The following ABHD5 variants were observed in gnomAD, a reference collection of about 807,000 sequenced individuals.
The protein encoded by ABHD5 is 1-acylglycerol-3-phosphate O-acyltransferase ABHD5.
A neutral mutation model predicts 44.9 loss-of-function variants in ABHD5; 30 were observed. That is an observed-to-expected ratio of 0.67 (90% CI 0.50 to 0.91). The LOEUF (loss-of-function observed/expected upper bound fraction) is 0.91, where lower values mean the gene tolerates loss of function less well. Ranked by LOEUF, ABHD5 falls within the 40% of genes least tolerant of loss-of-function variation. The probability of loss-of-function intolerance (pLI) is 0.00; values close to 1 mark genes in which losing one functional copy is unlikely to be tolerated. For missense variants in ABHD5, 399 were observed against 423.4 expected (o/e 0.94, Z 0.50); for synonymous variants, 167 against 147.0 (o/e 1.14, Z -0.99).
downstream of ABHD5, among the ~76,000 whole-genome samples, chr3:43,724,221 G>A (rs1282285941): frequency 6.6e-6 from 1 of 152,134 alleles, no homozygotes; most frequent in Non-Finnish European, 1.5e-5. Flanking sequence ...TAGGCATAAA[G>A]AAAGCAGAAA....
At chr3:43,699,159 C>T (rs1384095468) in intron 1 of ABHD5, 117 bp from the exon 2 acceptor site, 4 of 874,180 alleles carry the variant, frequency 4.6e-6, no homozygotes, top group Non-Finnish European at 7.6e-6. Flanking sequence ...TCACACATAG[C>T]TTTACCATCA....
At chr3:43,723,708 A>G (rs1383673772), downstream of ABHD5, among the ~76,000 whole-genome samples, 1 of 152,242 alleles carries the variant, frequency 6.6e-6, no homozygotes, top group Non-Finnish European at 1.5e-5. Context: ...GGGAAATTCC[A>G]TAGGACAGAA....
chr3:43,733,380 A>G (rs191755426), intron 7 of ABHD5, among the ~76,000 whole-genome samples: 1 of 152,332 alleles, frequency 6.6e-6, no homozygotes, highest in East Asian at 1.9e-4. Context: ...CTCTCATATA[A>G]TCAATCACTG....
Position 43,702,302 on chromosome 3 carries a change from A to G in ABHD5, c.221A>G (p.Asn74Ser), listed in dbSNP as rs147218153. ...WTLKFSHNIS[N>S]KTPLVLLHGF... is the part of the protein sequence containing the mutation. ...CTGAAGTTCTCTCATAATATTTCAA[A>G]TAAGACTCCACTTGTCCTTCTCCAT... The change falls in exon 3 of 7, where the codon AAT becomes AGT. Residue 74 changes from asparagine (N) to serine (S), a missense_variant. By Grantham distance (46) the Asn-to-Ser change is conservative. Transcript: ENST00000644371. 37 of 1,606,884 alleles carry G rather than the reference A, an allele frequency of 2.3e-5. No individual in the cohort carries two copies. Among genetic ancestry groups the G allele is most frequent in the South Asian group, 4.4e-5 (4 of 90,718 alleles).
chr3:43,700,032 C>T (rs746403099), intron 2 of ABHD5, among the ~76,000 whole-genome samples: 8 of 152,178 alleles, frequency 5.3e-5, no homozygotes, highest in Non-Finnish European at 2.9e-5. Flanking sequence ...CTAGGTGTTT[C>T]AGAGCAAGCA....
At chr3:43,699,693 C>A (rs113625886) in intron 2 of ABHD5, 3,812 of 205,074 alleles carry the variant, frequency 0.019, 77 homozygotes, top group African/African-American at 0.056. Flanking sequence ...TTATTAATTT[C>A]TTTAAAAATA....
chr3:43,702,097 C>G (rs2084548367), intron 2 of ABHD5, 118 bp from the exon 3 acceptor site: 2 of 850,870 alleles, frequency 2.4e-6, no homozygotes, highest in Non-Finnish European at 3.5e-6. Flanking sequence ...GCTGACAATA[C>G]AAGCTAAAAT....
intron 3 of ABHD5, among the ~76,000 whole-genome samples, chr3:43,704,678 A>G (rs193004309): frequency 2.2e-4 from 34 of 152,340 alleles, no homozygotes; most frequent in Admixed American, 1.7e-3. Context: ...GGCTTCAGGG[A>G]TTCAGAAGGG....
chr3:43,725,603 CT>C (rs2084871929), downstream of ABHD5, among the ~76,000 whole-genome samples: 1 of 152,188 alleles, frequency 6.6e-6, no homozygotes, highest in Non-Finnish European at 1.5e-5. Context: ...CCCCATCCTA[CT>C]TTTTAAAAAA....
intron 3 of ABHD5, among the ~76,000 whole-genome samples, chr3:43,704,528 A>G (rs1445405497): frequency 1.3e-5 from 2 of 152,168 alleles, no homozygotes. Context: ...TTCTCTGAAG[A>G]TGTGACATGG....
intron 2 of ABHD5, among the ~76,000 whole-genome samples, chr3:43,701,406 A>C (rs747660584): frequency 6.6e-6 from 1 of 152,248 alleles, no homozygotes; most frequent in Non-Finnish European, 1.5e-5. Flanking sequence ...TGTTTACTGT[A>C]TATGAATATG....
rs1027034906 is a variant in ABHD5 at position 43,710,477 on chromosome 3, G to A, written c.507-1232G>A. Among the ~76,000 whole-genome samples the A allele has an allele frequency of 2.6e-5, 4 of 152,154 alleles. No homozygotes were observed. In the East Asian group the frequency reaches 7.7e-4, roughly 29 times the overall value. On this transcript the variant is annotated intron_variant, in intron 3 of 6. Coordinates refer to ENST00000644371, the MANE Select transcript of ABHD5 (RefSeq NM_016006.6). ...CTAGTTCTGTGTTAACTAATGTTAT[G>A]TACCGGAGCAGGTCATGTAGTACAT...
intron 1 of ABHD5, among the ~76,000 whole-genome samples, chr3:43,693,071 A>T (rs1304117646): frequency 6.6e-6 from 1 of 152,208 alleles, no homozygotes; most frequent in Non-Finnish European, 1.5e-5. Flanking sequence ...GAGAAAGCTA[A>T]ATGTAATGAG....
rs952066860 is a variant in ABHD5, at chr3:43,693,139, A to G, written c.47+2100A>G. Reference sequence around the variant, plus strand: ...TGTCCTAGAGAATGATTTAGTGTCAATTGAGTTGAGAGAAAGCTGTCACAG... The same window carrying G: ...TGTCCTAGAGAATGATTTAGTGTCAGTTGAGTTGAGAGAAAGCTGTCACAG... On this transcript the variant is annotated intron_variant, in intron 1 of 6. Transcript: ENST00000644371. 3.3e-5 allele frequency among the ~76,000 whole-genome samples: 5 copies of G among 152,290 alleles called. No individual in the cohort carries two copies. In the South Asian group the frequency reaches 6.2e-4, roughly 19 times the overall value.
At chr3:43,733,393 T>C (rs192356821) in intron 7 of ABHD5, among the ~76,000 whole-genome samples, 6 of 152,382 alleles carry the variant, frequency 3.9e-5, no homozygotes, top group Admixed American at 6.5e-5. Context: ...AATCACTGTT[T>C]GTTGAATGAA....
Position 43,721,262 on chromosome 3 carries a change from G to A in ABHD5, c.*2730G>A, listed in dbSNP as rs1003674709. On this transcript the variant is annotated 3_prime_UTR_variant, in exon 7 of 7. Transcript: ENST00000644371. ...TTGGAAAAAAAAATAAAATTGAATC[G>A]ATTTCTCACAGGATACACAGGATAA... is the stretch of plus-strand genomic sequence containing the variant. 2.6e-5 allele frequency: 4 copies of A among 151,946 alleles called. No homozygotes were observed. Among genetic ancestry groups the A allele is most frequent in the Non-Finnish European group, 5.9e-5 (4 of 67,974 alleles). 9.4% of individuals were successfully genotyped at this position (151,946 alleles called of 1,614,324 possible).
chr3:43,708,052 A>G (rs535923812), intron 3 of ABHD5, among the ~76,000 whole-genome samples: 2 of 152,342 alleles, frequency 1.3e-5, no homozygotes, highest in Admixed American at 1.3e-4. Context: ...GTGTTGGTAC[A>G]GGTGTTGTCC....
intron 7 of ABHD5, among the ~76,000 whole-genome samples, chr3:43,730,771 G>A (rs2084907666): frequency 6.6e-6 from 1 of 152,150 alleles, no homozygotes; most frequent in Non-Finnish European, 1.5e-5. Flanking sequence ...CTCCCAAAAT[G>A]TTGAGATTGC....
intron 5 of ABHD5, among the ~76,000 whole-genome samples, chr3:43,716,426 A>G (rs1263491775): frequency 6.6e-6 from 1 of 152,166 alleles, no homozygotes; most frequent in African/African-American, 2.4e-5. Context: ...GGTTTGGATG[A>G]AAGGCTAAGA....
Sources: allele counts gnomAD v4.1 joint callset (sites outside exome capture counted in the v4.1 genomes callset), GRCh38; gene constraint gnomAD v4.1.1; transcripts MANE v1.5; gene names NCBI Gene and HGNC (gene_info 2026-07-23, HGNC 2026-07-21).